Variants in R3HDM1 observed in about 807,000 individuals in gnomAD.
R3HDM1 encodes the protein R3H domain containing 1.
A neutral mutation model predicts 141.1 loss-of-function variants in R3HDM1; 46 were observed. The ratio of observed to expected loss-of-function variants is 0.33; its 90% CI spans 0.26 to 0.42. R3HDM1 has a LOEUF of 0.42. Among genes scored for constraint, R3HDM1 ranks in the 10% least tolerant of loss-of-function variants. The pLI is 1.00. For missense variants in R3HDM1, 1,184 were observed against 1,368.3 expected, an observed-to-expected ratio of 0.87 and a Z score of 2.12; for synonymous variants, 435 against 472.9, an observed-to-expected ratio of 0.92 and a Z score of 1.04.
At chr2:135,599,228 T>C (rs2059428370) in intron 1 of R3HDM1, among the ~76,000 whole-genome samples, 1 of 152,190 alleles carries the variant, frequency 6.6e-6, no homozygotes, top group Non-Finnish European at 1.5e-5. Flanking sequence ...GCACAGGAAT[T>C]ATATATAAGC....
chr2:135,596,289 C>G (rs74973540), intron 1 of R3HDM1, among the ~76,000 whole-genome samples: 1 of 152,152 alleles, frequency 6.6e-6, no homozygotes, highest in Non-Finnish European at 1.5e-5. Context: ...TGAGCCACCG[C>G]GCCCAGCCTA....
intron 21 of R3HDM1, among the ~76,000 whole-genome samples, chr2:135,689,248 T>C (rs2071917596): frequency 6.6e-6 from 1 of 152,194 alleles, no homozygotes. Flanking sequence ...AGTAAAACTT[T>C]ACACATTAGC....
chr2:135,563,352 A>G (rs1315622442), intron 1 of R3HDM1, among the ~76,000 whole-genome samples: 2 of 152,248 alleles, frequency 1.3e-5, no homozygotes, highest in Non-Finnish European at 2.9e-5. Flanking sequence ...TTTGCTGAGA[A>G]TGAGAACTGT....
intron 7 of R3HDM1, among the ~76,000 whole-genome samples, chr2:135,630,323 G>A (rs72970203): frequency 0.11 from 13,331 of 125,896 alleles, 2,183 homozygotes; most frequent in African/African-American, 0.37. Flanking sequence ...AAAAAAACGA[G>A]ATTCTCATAC....
chr2:135,675,546 A>G, intron 20 of R3HDM1, 60 bp downstream of exon 20: 1 of 1,463,980 alleles, frequency 6.8e-7, no homozygotes, highest in Non-Finnish European at 9.4e-7. Context: ...TAAGTGCACA[A>G]CTACAATACA....
chr2:135,573,244 C>A (rs886445048), intron 1 of R3HDM1, among the ~76,000 whole-genome samples: 11 of 152,138 alleles, frequency 7.2e-5, no homozygotes, highest in African/African-American at 2.2e-4. Context: ...CTACTGCCTC[C>A]CAATTTTCCT....
chr2:135,655,304 A>G (rs2065692929), intron 18 of R3HDM1, among the ~76,000 whole-genome samples: 1 of 152,106 alleles, frequency 6.6e-6, no homozygotes, highest in African/African-American at 2.4e-5. Context: ...TAACCTTGGA[A>G]TCCTTGTCGA....
intron 23 of R3HDM1, among the ~76,000 whole-genome samples, chr2:135,714,215 T>C (rs549705563): frequency 6.6e-6 from 1 of 152,314 alleles, no homozygotes; most frequent in South Asian, 2.1e-4. Context: ...TCACCAATAC[T>C]GTGATGAGAG....
chr2:135,686,052 C>G (rs767261033), intron 21 of R3HDM1, among the ~76,000 whole-genome samples: 21 of 152,034 alleles, frequency 1.4e-4, no homozygotes, highest in Admixed American at 6.6e-5. Flanking sequence ...AAATGGCAAA[C>G]AGGCCAGAGA....
At chr2:135,548,695 G>A (rs1489547891) in intron 1 of R3HDM1, among the ~76,000 whole-genome samples, 1 of 151,950 alleles carries the variant, frequency 6.6e-6, no homozygotes, top group African/African-American at 2.4e-5. Context: ...TCTGTGTAGG[G>A]CTTCTTCCAT....
intron 19 of R3HDM1, among the ~76,000 whole-genome samples, chr2:135,672,622 A>T (rs2068566268): frequency 6.6e-6 from 1 of 152,130 alleles, no homozygotes; most frequent in Non-Finnish European, 1.5e-5. Context: ...TCTAACCCAG[A>T]TGGTGTCCTT....
At chr2:135,687,651 A>G (rs894374966) in intron 21 of R3HDM1, among the ~76,000 whole-genome samples, 2 of 152,204 alleles carry the variant, frequency 1.3e-5, no homozygotes, top group African/African-American at 4.8e-5. Context: ...TCCCAATTAG[A>G]CTAAATGTAG....
intron 21 of R3HDM1, among the ~76,000 whole-genome samples, chr2:135,692,058 T>A (rs1672022763): frequency 6.6e-6 from 1 of 151,942 alleles, no homozygotes; most frequent in African/African-American, 2.4e-5. Flanking sequence ...GATTACAGGC[T>A]GCCGCCACCA....
intron 3 of R3HDM1, chr2:135,605,222 G>A (rs922920791): frequency 2.9e-6 from 1 of 348,094 alleles, no homozygotes; most frequent in African/African-American, 2.1e-5. Flanking sequence ...CTTTTTATTT[G>A]TATGTGGCTA....
chr2:135,647,683 CA>C (rs2064625222), intron 16 of R3HDM1, among the ~76,000 whole-genome samples: 1 of 152,184 alleles, frequency 6.6e-6, no homozygotes, highest in Non-Finnish European at 1.5e-5. Context: ...ACCTTTTGCA[CA>C]ATCTGAAATA....
intron 1 of R3HDM1, among the ~76,000 whole-genome samples, chr2:135,590,183 A>G (rs1708921141): frequency 6.6e-6 from 1 of 152,134 alleles, no homozygotes; most frequent in Admixed American, 6.6e-5. Context: ...TTTCATTTTC[A>G]AATGCTTAGA....
Position 135,639,042 on chromosome 2 carries a change from G to T in R3HDM1, c.1139G>T (p.Ser380Ile). 1 of 1,614,146 alleles carries T rather than the reference G, an allele frequency of 6.2e-7. No homozygotes were observed. The highest frequency in any genetic ancestry group is 8.5e-7 in the Non-Finnish European group (1 of 1,180,010). Residue 380 changes from serine to isoleucine, a missense_variant, in exon 14 of 27, where the codon AGC becomes ATC. Physicochemically the swap from Ser to Ile is moderately radical, Grantham distance 142 (BLOSUM62 -2). This residue lies in a region of R3HDM1 where 240 missense variants were observed against 312.3 expected (regional missense o/e 0.77). Coordinates refer to ENST00000683871, the MANE Select transcript of R3HDM1 (RefSeq NM_001378107.1). ...RNLKPAVTKA[S>I]SFSGISVLTR... is the part of the protein sequence containing the mutation. ...CTGAAACCTGCTGTAACCAAAGCCA[G>T]CAGCTTCAGTGGAATCTCAGTCCTG...
At chr2:135,547,693 G>C (rs1165288189) in intron 1 of R3HDM1, among the ~76,000 whole-genome samples, 1 of 149,918 alleles carries the variant, frequency 6.7e-6, no homozygotes, top group Non-Finnish European at 1.5e-5. Flanking sequence ...AATAGTCTGA[G>C]ATATTTTCCC....
In R3HDM1 at chr2:135,616,001, A is replaced by C. The variant is rs376878251; in HGVS notation, c.172-151A>C. 9.4e-6 allele frequency: 5 copies of C among 533,486 alleles called. No homozygotes were observed. In the African/African-American group the frequency reaches 9.7e-5, roughly 10 times the overall value. The allele number at this position is 533,486 out of a possible 1,614,324, so 33.0% of individuals were successfully genotyped here. On this transcript the variant is annotated intron_variant, in intron 3 of 26. Transcript: ENST00000683871. ...CTTCTGCAAGTGTGCTTCTGGGAGG[A>C]ATCAGTACTCCTTTACTGAAACCAA...
Sources: gnomAD v4.1 joint callset for allele counts (sites outside exome capture counted in the v4.1 genomes callset) on GRCh38, gnomAD v4.1.1 for gene constraint, gnomAD v4.1.1 regional missense constraint, MANE v1.5 for transcripts, NCBI Gene and HGNC (gene_info 2026-07-23, HGNC 2026-07-21) for gene names.